CSN1S1: variants seen among roughly 807,000 people sequenced by gnomAD.
The protein encoded by CSN1S1 is alpha-S1-casein.
A neutral mutation model predicts 49.1 loss-of-function variants in CSN1S1; 63 were observed. That is an observed-to-expected ratio of 1.28 (90% CI 1.05 to 1.58). The LOEUF (loss-of-function observed/expected upper bound fraction) is 1.58, where lower values mean the gene tolerates loss of function less well. Among genes scored for constraint, CSN1S1 ranks in the 40% most tolerant of loss-of-function variants. The pLI is 0.00. For missense variants in CSN1S1, 260 were observed against 224.7 expected, an observed-to-expected ratio of 1.16 and a Z score of -1.01; for synonymous variants, 78 against 67.1, an observed-to-expected ratio of 1.16 and a Z score of -0.79.
At chr4:69,941,344 A>G (rs954231583) in intron 12 of CSN1S1, among the ~76,000 whole-genome samples, 1 of 151,790 alleles carries the variant, frequency 6.6e-6, no homozygotes, top group Non-Finnish European at 1.5e-5. Flanking sequence ...AACCTCCCTG[A>G]TGATACATTA....
Position 69,940,058 on chromosome 4 carries a change from G to C in CSN1S1, c.300+14G>C. The C allele has an allele frequency of 7.7e-7, 1 of 1,301,018 alleles. No homozygotes were observed. 80.6% of individuals were successfully genotyped at this position (1,301,018 alleles called of 1,614,324 possible). A position where few individuals can be genotyped will look rare whatever the true frequency, so the allele number is the denominator to read the frequency against. ...AGTAAGTGTGCGGTAAGACATATTTGCTAAATTTAAAATATATTAATATTT... is the reference window on the plus strand; with the variant it reads ...AGTAAGTGTGCGGTAAGACATATTTCCTAAATTTAAAATATATTAATATTT... On this transcript the variant is annotated intron_variant, in intron 11 of 15. Coordinates refer to ENST00000246891, the MANE Select transcript of CSN1S1 (RefSeq NM_001890.2).
In CSN1S1 at chr4:69,931,933, T is replaced by A. The variant is rs1722619773; in HGVS notation, c.-12-611T>A. ...CAATTCAATCATCTTTATATATTTA[T>A]GTCATGAATATTCCAATGTAGCAAA... On this transcript the variant is annotated intron_variant, in intron 1 of 15. Coordinates refer to ENST00000246891, the MANE Select transcript of CSN1S1 (RefSeq NM_001890.2). Among the ~76,000 whole-genome samples the A allele has an allele frequency of 2.0e-5, 3 of 151,964 alleles. No individual in the cohort carries two copies. In the South Asian group the frequency reaches 6.2e-4, roughly 31 times the overall value.
intron 15 of CSN1S1, among the ~76,000 whole-genome samples, chr4:69,945,355 G>A (rs1723128494): frequency 6.6e-6 from 1 of 151,858 alleles, no homozygotes; most frequent in Non-Finnish European, 1.5e-5. Context: ...ACTTCCTTCT[G>A]GTTATACCTA....
intron 14 of CSN1S1, among the ~76,000 whole-genome samples, chr4:69,943,952 G>C (rs1250649483): frequency 6.6e-6 from 1 of 151,790 alleles, no homozygotes; most frequent in Non-Finnish European, 1.5e-5. Context: ...TCCAACATAT[G>C]ATCTTTGGGA....
chr4:69,938,670 CTT>C (rs1207410783), intron 9 of CSN1S1, among the ~76,000 whole-genome samples: 2 of 151,414 alleles, frequency 1.3e-5, no homozygotes, highest in African/African-American at 2.4e-5. Flanking sequence ...ACATAAATGA[CTT>C]TGAAGAAAAA....
intron 9 of CSN1S1, 80 bp from the exon 10 acceptor site, chr4:69,939,079 TACCATGGTAAGCATTTC>T: frequency 1.2e-6 from 1 of 830,860 alleles, no homozygotes; most frequent in Non-Finnish European, 2.0e-6. Context: ...GTTATAATGT[TACCATGGTAAGCATTTC>T]ACCATGATGA....
In CSN1S1 at chr4:69,936,319, A is replaced by G. The variant is rs1172775214; in HGVS notation, c.130-137A>G. ...AAGGTTAGAAATGATATAATAAGGA[A>G]TATTAGTTCATTCAGGAAAAATGGA... On this transcript the variant is annotated intron_variant, in intron 5 of 15. Transcript: ENST00000246891. 16 of 730,190 alleles carry G rather than the reference A, an allele frequency of 2.2e-5. No homozygotes were observed. The South Asian group carries it at 2.7e-4, about 12-fold the overall frequency. The allele number at this position is 730,190 out of a possible 1,614,324, so 45.2% of individuals were successfully genotyped here.
At chr4:69,944,797 T>A in intron 14 of CSN1S1, 53 bp from the exon 15 acceptor site, 1 of 1,569,614 alleles carries the variant, frequency 6.4e-7, no homozygotes, top group Non-Finnish European at 8.7e-7. Context: ...TTTCAGGGAC[T>A]GAAAAAAGCA....
In CSN1S1 at chr4:69,946,281, A is replaced by T. The variant is rs1021303972; in HGVS notation, c.*85A>T. The stretch of plus-strand genomic sequence containing the variant: ...GACTGGACTGTTGTTTTAGAATAGT[A>T]AAATCCCATATTGAAGGAAATTGTT... On this transcript the variant is annotated 3_prime_UTR_variant, in exon 16 of 16. Transcript: ENST00000246891. The T allele has an allele frequency of 9.7e-6, 4 of 413,376 alleles. No homozygotes were observed. The highest frequency in any genetic ancestry group is 8.2e-5 in the African/African-American group (4 of 48,934). The allele number at this position is 413,376 out of a possible 1,614,324, so 25.6% of individuals were successfully genotyped here. A position where few individuals can be genotyped will look rare whatever the true frequency, so the allele number is the denominator to read the frequency against.
intron 12 of CSN1S1, 102 bp downstream of exon 12, chr4:69,941,162 T>G: frequency 1.8e-6 from 1 of 565,980 alleles, no homozygotes; most frequent in Non-Finnish European, 2.9e-6. Context: ...TTTATTTTTC[T>G]TAAGAAATTA....
intron 4 of CSN1S1, among the ~76,000 whole-genome samples, 167 bp from the exon 5 acceptor site, chr4:69,935,759 A>G (rs1722758042): frequency 6.6e-6 from 1 of 152,134 alleles, no homozygotes; most frequent in Non-Finnish European, 1.5e-5. Flanking sequence ...ACTCCTTATA[A>G]TAGAATGCTC....
At chr4:69,945,562 C>T (rs914463641) in intron 15 of CSN1S1, among the ~76,000 whole-genome samples, 1 of 151,822 alleles carries the variant, frequency 6.6e-6, no homozygotes, top group Non-Finnish European at 1.5e-5. Flanking sequence ...GGTAAAAGTC[C>T]ATTTTTTCCT....
In CSN1S1 at chr4:69,944,891, T is replaced by C. The variant is rs771742771; in HGVS notation, c.444T>C (p.Ala148=). The C allele has an allele frequency of 1.6e-5, 25 of 1,612,786 alleles. No individual in the cohort carries two copies. The highest frequency in any genetic ancestry group is 2.0e-5 in the Non-Finnish European group (24 of 1,179,196). Reference sequence around the variant, plus strand: ...ACCAACTTGCTGCCTACCCCTATGCTGTTTGGTACTATCCACAAATCATGC... The same window carrying C: ...ACCAACTTGCTGCCTACCCCTATGCCGTTTGGTACTATCCACAAATCATGC... ...QLNQLAAYPY[A]VWYYPQIMQY... is the part of the protein sequence containing the mutation. Residue 148 remains alanine (A), a synonymous_variant, in exon 15 of 16, where the codon GCT becomes GCC. Transcript: ENST00000246891.
At position 69,936,582 on chromosome 4, in the gene CSN1S1, G is replaced by C. The variant is rs2109717065; in HGVS notation, c.170G>C (p.Arg57Thr). The C allele has an allele frequency of 6.2e-7, 1 of 1,606,328 alleles. No homozygotes were observed. The change falls in exon 7 of 16, where the codon AGA (arginine) becomes ACA (threonine). Residue 57 changes from arginine to threonine, a missense_variant. By Grantham distance (71) the Arg-to-Thr change is moderately conservative. Transcript: ENST00000246891. Reference protein sequence around the residue: ...NGMNRQRNILREKQTDEIKDT... With the variant: ...NGMNRQRNILTEKQTDEIKDT... Reference sequence around the variant, plus strand: ...TGATTTTAGCAGAGAAACATTCTGAGAGAAAAACAGACTGATGAAATCAAG... The same window carrying C: ...TGATTTTAGCAGAGAAACATTCTGACAGAAAAACAGACTGATGAAATCAAG...
intron 14 of CSN1S1, 122 bp downstream of exon 14, chr4:69,942,699 A>G (rs977810680): frequency 2.8e-6 from 2 of 720,198 alleles, no homozygotes; most frequent in Non-Finnish European, 4.7e-6. Context: ...CTCACTCCCA[A>G]CTTAAATCTC....
At chr4:69,935,682 A>G (rs933689713) in intron 4 of CSN1S1, among the ~76,000 whole-genome samples, 2 of 152,040 alleles carry the variant, frequency 1.3e-5, no homozygotes, top group African/African-American at 4.8e-5. Flanking sequence ...TTTGTACCTA[A>G]ACGTTTGCCT....
At chr4:69,937,401 C>A (rs1397268559) in intron 8 of CSN1S1, among the ~76,000 whole-genome samples, 1 of 147,518 alleles carries the variant, frequency 6.8e-6, no homozygotes, top group Non-Finnish European at 1.5e-5. Context: ...CTAGATGGAG[C>A]AAGTTCTTTT....
chr4:69,937,126 T>C lies in CSN1S1; in HGVS notation c.201T>C (p.Thr67=). Residue 67 remains threonine (T), a synonymous_variant, in exon 8 of 16, where the codon ACT becomes ACC. Coordinates refer to ENST00000246891, the MANE Select transcript of CSN1S1 (RefSeq NM_001890.2). ...REKQTDEIKD[T]RNESTQNCVV... ...CTGATTGACTGTCTTGGCAGGATAC[T>C]AGGAATGAGTCTACTCAGGTGAGAC... 2 of 1,542,540 alleles carry C rather than the reference T, an allele frequency of 1.3e-6. No homozygotes were observed. The highest frequency in any genetic ancestry group is 2.0e-5 in the Admixed American group (1 of 49,518).
chr4:69,936,726 C>A, intron 7 of CSN1S1, 119 bp downstream of exon 7: 1 of 877,160 alleles, frequency 1.1e-6, no homozygotes, highest in South Asian at 1.8e-5. Flanking sequence ...TTGAACTTTT[C>A]ACTCATACAT....
Sources: allele counts gnomAD v4.1 joint callset (sites outside exome capture counted in the v4.1 genomes callset), GRCh38; gene constraint gnomAD v4.1.1; transcripts MANE v1.5; gene names NCBI Gene and HGNC (gene_info 2026-07-23, HGNC 2026-07-21).